The following RPRD2 variants were observed in gnomAD, a reference collection of about 807,000 sequenced individuals.
RPRD2 encodes regulation of nuclear pre-mRNA domain containing 2.
Under a neutral mutation model 104.4 loss-of-function variants are expected in RPRD2, and 12 were observed. That is an observed-to-expected ratio of 0.11 (90% confidence interval 0.07 to 0.19). The LOEUF is 0.19. Among genes scored for constraint, RPRD2 ranks in the 10% least tolerant of loss-of-function variants. The pLI is 1.00. For missense variants in RPRD2, 1,543 were observed against 1,790.1 expected, an observed-to-expected ratio of 0.86 and a Z score of 2.49; for synonymous variants, 714 against 684.9, an observed-to-expected ratio of 1.04 and a Z score of -0.66.
intron 2 of RPRD2, among the ~76,000 whole-genome samples, chr1:150,430,919 C>T (rs1262714579): frequency 4.0e-5 from 6 of 148,866 alleles, no homozygotes; most frequent in African/African-American, 1.5e-4. Flanking sequence ...AAGAGCGAAA[C>T]TCCATCTCAA....
rs1290835977 is a variant in RPRD2 at position 150,476,170 on chromosome 1, A to G, written c.*2836A>G. 1.3e-5 allele frequency: 2 copies of G among 152,214 alleles called. No homozygotes were observed. Among genetic ancestry groups the G allele is most frequent in the Non-Finnish European group, 2.9e-5 (2 of 68,040 alleles). The allele number at this position is 152,214 out of a possible 1,614,324, so 9.4% of individuals were successfully genotyped here. On this transcript the variant is annotated 3_prime_UTR_variant, in exon 11 of 11. Coordinates refer to ENST00000369068, the MANE Select transcript of RPRD2 (RefSeq NM_015203.5). ...AATTTGGTTTGATTCCAGGGAGGGG[A>G]AAATAAGCAGAGAATAGGACTTTTA...
intron 2 of RPRD2, among the ~76,000 whole-genome samples, chr1:150,419,237 AATAT>A (rs1430186825): frequency 2.6e-5 from 4 of 152,228 alleles, no homozygotes; most frequent in Non-Finnish European, 5.9e-5. Flanking sequence ...CAGGATAAAC[AATAT>A]ATAGAGCAAT....
chr1:150,460,125 A>T lies in RPRD2; in HGVS notation c.1219A>T (p.Thr407Ser), dbSNP rs781926538. The T allele has an allele frequency of 6.2e-7, 1 of 1,613,994 alleles. No homozygotes were observed. The highest frequency in any genetic ancestry group is 8.5e-7 in the Non-Finnish European group (1 of 1,179,880). The change falls in exon 9 of 11, where the codon ACA becomes TCA. Residue 407 changes from threonine to serine, a missense_variant. Physicochemically the swap from Thr to Ser is moderately conservative, Grantham distance 58. Coordinates refer to ENST00000369068, the MANE Select transcript of RPRD2 (RefSeq NM_015203.5). ...AVSTSVPTKP[T>S]ENISKASSCT... is the part of the protein sequence containing the mutation. ...ATCCACTTCTGTACCTACAAAGCCA[A>T]CAGAAAATATCTCAAAGGCCTCTTC...
At chr1:150,394,895 T>TC (rs1231116322) in intron 1 of RPRD2, among the ~76,000 whole-genome samples, 1 of 152,226 alleles carries the variant, frequency 6.6e-6, no homozygotes, top group Non-Finnish European at 1.5e-5. Flanking sequence ...AAATTGCTTC[T>TC]GCATAGGATA....
chr1:150,413,694 G>C (rs970964898), intron 1 of RPRD2, among the ~76,000 whole-genome samples: 3 of 152,108 alleles, frequency 2.0e-5, no homozygotes, highest in Non-Finnish European at 4.4e-5. Flanking sequence ...GGGAGGCCAA[G>C]GCTGGTGGAT....
At chr1:150,437,424 C>A (rs1431482682) in intron 2 of RPRD2, among the ~76,000 whole-genome samples, 1 of 152,072 alleles carries the variant, frequency 6.6e-6, no homozygotes, top group Non-Finnish European at 1.5e-5. Flanking sequence ...CCTCCACCAG[C>A]AAAAAGAATA....
At chr1:150,432,860 C>A (rs1344404907) in intron 2 of RPRD2, among the ~76,000 whole-genome samples, 1 of 151,830 alleles carries the variant, frequency 6.6e-6, no homozygotes, top group Non-Finnish European at 1.5e-5. Context: ...GTTTATAGTC[C>A]CAGCTACTCA....
chr1:150,433,696 G>A (rs141292640), intron 2 of RPRD2, among the ~76,000 whole-genome samples: 19,151 of 124,600 alleles, frequency 0.15, 1,793 homozygotes, highest in South Asian at 0.33. Context: ...CGCCCGCCTC[G>A]GCCTCCCAAA....
intron 1 of RPRD2, chr1:150,408,877 C>A (rs142958005): frequency 4.3e-4 from 65 of 152,176 alleles, no homozygotes; most frequent in African/African-American, 1.5e-3. Context: ...GAAGACAGAC[C>A]TAAGCTAATG....
chr1:150,384,339 C>G (rs1424133116), intron 1 of RPRD2, among the ~76,000 whole-genome samples: 2 of 151,458 alleles, frequency 1.3e-5, no homozygotes, highest in African/African-American at 4.9e-5. Context: ...AAGAAGACAT[C>G]CGATATATAA....
chr1:150,388,669 C>T (rs1436804255), intron 1 of RPRD2, among the ~76,000 whole-genome samples: 1 of 149,468 alleles, frequency 6.7e-6, no homozygotes, highest in Non-Finnish European at 1.5e-5. Context: ...GGCTGGAGTG[C>T]AGTGGCGCGA....
chr1:150,459,705 G>A (rs1229043695), intron 8 of RPRD2, among the ~76,000 whole-genome samples: 1 of 151,194 alleles, frequency 6.6e-6, no homozygotes, highest in Non-Finnish European at 1.5e-5. Context: ...CGATTCTCGT[G>A]TCTCAGCCTC....
At chr1:150,461,976 C>CA (rs71578498) in intron 9 of RPRD2, among the ~76,000 whole-genome samples, 75 of 145,808 alleles carry the variant, frequency 5.1e-4, no homozygotes, top group African/African-American at 1.7e-3. Flanking sequence ...TACTCCGTCT[C>CA]AAAAAAAAAC....
chr1:150,437,959 ATTCT>A (rs1405264221), intron 2 of RPRD2, among the ~76,000 whole-genome samples: 4 of 143,108 alleles, frequency 2.8e-5, no homozygotes, highest in African/African-American at 5.1e-5. Flanking sequence ...TTATGCTGAG[ATTCT>A]TTCTGTCATT....
intron 2 of RPRD2, among the ~76,000 whole-genome samples, chr1:150,433,157 A>T (rs1262623045): frequency 6.6e-6 from 1 of 152,062 alleles, no homozygotes; most frequent in East Asian, 1.9e-4. Context: ...AAATTTTTTT[A>T]AATTTTTAAA....
chr1:150,368,354 G>A lies in RPRD2; in HGVS notation c.205+3435G>A, dbSNP rs12093564. On this transcript the variant is annotated intron_variant, in intron 1 of 10. Coordinates refer to ENST00000369068, the MANE Select transcript of RPRD2 (RefSeq NM_015203.5). ...GTCGTCCAGTCTGGAGTGCGGTGGC[G>A]TGATCTCAGCTCACTGCAACCTCTT... Among the ~76,000 whole-genome samples the A allele has an allele frequency of 9.8e-3, 1,472 of 150,772 alleles. 29 individuals are homozygous for A. Among genetic ancestry groups the A allele is most frequent in the African/African-American group, 0.032 (1,318 of 41,072 alleles).
At chr1:150,384,459 T>C (rs587662545) in intron 1 of RPRD2, among the ~76,000 whole-genome samples, 3,983 of 64,328 alleles carry the variant, frequency 0.062, 157 homozygotes, top group African/African-American at 0.13. Flanking sequence ...TCATTATTAT[T>C]ATTATTATTA....
At chr1:150,416,106 A>G (rs1664311172) in intron 1 of RPRD2, among the ~76,000 whole-genome samples, 2 of 152,294 alleles carry the variant, frequency 1.3e-5, no homozygotes, top group East Asian at 1.9e-4. Context: ...TGATTTTAGA[A>G]CCCAGCAGCA....
At chr1:150,442,370 A>G (rs1560206318) in intron 4 of RPRD2, among the ~76,000 whole-genome samples, 1 of 152,196 alleles carries the variant, frequency 6.6e-6, no homozygotes, top group Admixed American at 6.5e-5. Context: ...TGAAATCTCC[A>G]GATTTGGGGG....
Sources: allele counts gnomAD v4.1 joint callset (sites outside exome capture counted in the v4.1 genomes callset), GRCh38; gene constraint gnomAD v4.1.1; transcripts MANE v1.5; gene names NCBI Gene and HGNC (gene_info 2026-07-23, HGNC 2026-07-21).